P3H2: variants seen among roughly 807,000 people sequenced by gnomAD.
P3H2 encodes leprecan-like 1.
In P3H2, 80 loss-of-function variants were observed where a neutral mutation model predicts 87.0. The observed-to-expected ratio is 0.92, with a 90% CI of 0.77 to 1.11. P3H2 has a LOEUF of 1.11. Among genes scored for constraint, P3H2 ranks in the 50% least tolerant of loss-of-function variants. The probability of loss-of-function intolerance (pLI) is 0.00; values close to 1 mark genes in which losing one functional copy is unlikely to be tolerated. For synonymous variants in P3H2, 367 were observed against 359.3 expected (o/e 1.02, Z -0.24); for missense variants, 1,001 against 923.9 (o/e 1.08, Z -1.08).
intron 1 of P3H2, among the ~76,000 whole-genome samples, chr3:190,105,204 C>T (rs1234555716): frequency 6.6e-6 from 1 of 152,210 alleles, no homozygotes; most frequent in African/African-American, 2.4e-5. Context: ...CACGTTTGAA[C>T]ACCTTCTAGG....
At chr3:190,115,314 C>A (rs1712245929) in intron 1 of P3H2, among the ~76,000 whole-genome samples, 3 of 149,462 alleles carry the variant, frequency 2.0e-5, no homozygotes, top group Admixed American at 6.7e-5. Context: ...TCAAATGGAA[C>A]AAAGCAACAA....
chr3:189,976,234 G>A (rs987980651), intron 8 of P3H2, among the ~76,000 whole-genome samples: 1 of 152,064 alleles, frequency 6.6e-6, no homozygotes. Flanking sequence ...AATGTACCAC[G>A]ATTAATTTTG....
chr3:190,091,879 C>T (rs6444420), intron 1 of P3H2, among the ~76,000 whole-genome samples: 4,081 of 152,244 alleles, frequency 0.027, 79 homozygotes, highest in African/African-American at 0.043. Context: ...AGAATAGGAA[C>T]AACGTGGAAC....
chr3:190,078,809 A>C (rs753955619), intron 1 of P3H2, among the ~76,000 whole-genome samples: 19 of 152,144 alleles, frequency 1.2e-4, no homozygotes, highest in Non-Finnish European at 2.5e-4. Context: ...TCCCATGAAG[A>C]CTTTGTTCTT....
chr3:189,973,905 T>TAAA lies in P3H2; in HGVS notation c.1548+3_1548+4insTTT. The TAAA allele has an allele frequency of 6.2e-7, 1 of 1,609,924 alleles. No homozygotes were observed. Among genetic ancestry groups the TAAA allele is most frequent in the East Asian group, 2.2e-5 (1 of 44,854 alleles). On this transcript the variant is annotated splice_donor_region_variant and intron_variant, in intron 10 of 14. Transcript: ENST00000319332. Reference sequence around the variant, plus strand: ...CTCAAACCCAAAAGAAGTTAAGACTTTACTTTGAGTGCTTTCAGGACAGTT... The same window carrying TAAA: ...CTCAAACCCAAAAGAAGTTAAGACTTAAATACTTTGAGTGCTTTCAGGACAGTT...
intron 1 of P3H2, among the ~76,000 whole-genome samples, chr3:190,031,496 G>A (rs192064159): frequency 6.6e-6 from 1 of 151,984 alleles, no homozygotes; most frequent in East Asian, 1.9e-4. Context: ...AACTAGCCAG[G>A]CATGGTGGCA....
intron 1 of P3H2, among the ~76,000 whole-genome samples, chr3:190,022,925 C>T (rs950153370): frequency 3.6e-4 from 55 of 152,246 alleles, no homozygotes; most frequent in African/African-American, 1.2e-3. Context: ...CTCCCGGGTT[C>T]ACGCCATTCT....
chr3:190,103,990 C>T (rs1463739512), intron 1 of P3H2, among the ~76,000 whole-genome samples: 1 of 151,978 alleles, frequency 6.6e-6, no homozygotes, highest in Non-Finnish European at 1.5e-5. Flanking sequence ...CGGGACTTCA[C>T]TATGTTGGCC....
At chr3:190,009,117 A>T (rs112150287) in intron 1 of P3H2, among the ~76,000 whole-genome samples, 11 of 152,254 alleles carry the variant, frequency 7.2e-5, no homozygotes, top group African/African-American at 2.6e-4. Context: ...ACAGAGGAAA[A>T]GCGTCATCTA....
intron 1 of P3H2, among the ~76,000 whole-genome samples, chr3:190,091,848 G>A (rs924155087): frequency 6.6e-6 from 1 of 152,234 alleles, no homozygotes; most frequent in South Asian, 2.1e-4. Flanking sequence ...AAAGGGAAGA[G>A]AGAGCATAAC....
At chr3:189,979,282 G>A (rs909485457) in intron 8 of P3H2, among the ~76,000 whole-genome samples, 6 of 150,788 alleles carry the variant, frequency 4.0e-5, no homozygotes, top group Non-Finnish European at 8.9e-5. Flanking sequence ...AAAAAAATTC[G>A]CTGGGCATGG....
chr3:190,039,098 A>T (rs1429107893), intron 1 of P3H2, among the ~76,000 whole-genome samples: 5 of 152,086 alleles, frequency 3.3e-5, no homozygotes, highest in African/African-American at 1.2e-4. Flanking sequence ...TTGAGGCAGG[A>T]GAATTGCTTG....
chr3:190,105,390 G>T (rs535987586), intron 1 of P3H2, among the ~76,000 whole-genome samples: 1 of 152,222 alleles, frequency 6.6e-6, no homozygotes, highest in South Asian at 2.1e-4. Context: ...GAGATTTTTT[G>T]TTGTTGTTGC....
intron 1 of P3H2, among the ~76,000 whole-genome samples, chr3:190,067,015 T>C (rs1214389403): frequency 1.3e-5 from 2 of 151,186 alleles, no homozygotes; most frequent in Admixed American, 6.6e-5. Context: ...TTCTTTCTTT[T>C]TTTTTTTTTT....
intron 1 of P3H2, among the ~76,000 whole-genome samples, chr3:190,036,930 C>T (rs1429666128): frequency 1.8e-5 from 2 of 109,012 alleles, no homozygotes; most frequent in Non-Finnish European, 3.7e-5. Flanking sequence ...ATGTTGGCAA[C>T]GTTGGAAAGA....
rs116268813 is a variant in P3H2, at chr3:190,006,778, T to A, written c.481-11336A>T. On this transcript the variant is annotated intron_variant, in intron 1 of 14. Coordinates refer to ENST00000319332, the MANE Select transcript of P3H2 (RefSeq NM_018192.4). ...GGATGTCCCAGCTGCAGAATAGTAA[T>A]GTTACAGCAGAAATGTCTCAGATCT... is the stretch of plus-strand genomic sequence containing the variant. 5.3e-3 allele frequency among the ~76,000 whole-genome samples: 800 copies of A among 152,232 alleles called. 6 individuals are homozygous for A. The highest frequency in any genetic ancestry group is 0.018 in the African/African-American group (762 of 41,518).
Position 189,989,401 on chromosome 3 carries a change from T to C in P3H2, c.824-363A>G, listed in dbSNP as rs115337460. Among the ~76,000 whole-genome samples the C allele has an allele frequency of 3.7e-3, 558 of 152,250 alleles. 4 individuals carry two copies. The highest frequency in any genetic ancestry group is 0.013 in the African/African-American group (536 of 41,546). On this transcript the variant is annotated intron_variant, in intron 3 of 14. Transcript: ENST00000319332. Reference sequence around the variant, plus strand: ...AACAACTTTGGGGTCTCTCTTTGGATATCTTGGATGGCTCGAAGTGCCCTG... The same window carrying C: ...AACAACTTTGGGGTCTCTCTTTGGACATCTTGGATGGCTCGAAGTGCCCTG...
At chr3:190,098,524 G>T (rs192371305) in intron 1 of P3H2, among the ~76,000 whole-genome samples, 113 of 152,040 alleles carry the variant, frequency 7.4e-4, no homozygotes, top group African/African-American at 2.6e-3. Context: ...TATTTACTAG[G>T]GCTTACAATA....
intron 1 of P3H2, among the ~76,000 whole-genome samples, chr3:190,117,638 T>C (rs535099613): frequency 4.0e-5 from 6 of 149,302 alleles, no homozygotes; most frequent in African/African-American, 1.5e-4. Context: ...CTTTTATTAT[T>C]TGAGAGGTTT....
Sources: allele counts gnomAD v4.1 joint callset (sites outside exome capture counted in the v4.1 genomes callset), GRCh38; gene constraint gnomAD v4.1.1; transcripts MANE v1.5; gene names NCBI Gene and HGNC (gene_info 2026-07-23, HGNC 2026-07-21).